Variants in TEX11 observed in about 807,000 individuals in gnomAD.
TEX11 encodes testis-expressed protein 11.
In TEX11, 7 loss-of-function variants were observed where a neutral mutation model predicts 84.4. That is an observed-to-expected ratio of 0.08 (90% CI 0.05 to 0.16). The LOEUF (loss-of-function observed/expected upper bound fraction) is 0.16, where lower values mean the gene tolerates loss of function less well. Among genes scored for constraint, TEX11 ranks in the 10% least tolerant of loss-of-function variants. The pLI, the probability that TEX11 is intolerant of heterozygous loss-of-function variation, is 1.00. For missense variants in TEX11, 551 were observed against 660.5 expected (o/e 0.83, Z 1.82); for synonymous variants, 264 against 222.8 (o/e 1.18, Z -1.64).
chrX:70,671,910 T>TATATATATACACAC (rs57166359), intron 15 of TEX11, among the ~76,000 whole-genome samples: 14 of 67,979 alleles, frequency 2.1e-4, no homozygotes, highest in Non-Finnish European at 1.7e-4. Flanking sequence ...TATATATATA[T>TATATATATACACAC]ACACACACAC....
At position 70,637,220 on chromosome X, in the gene TEX11, A is replaced by G. The variant is rs751796941; in HGVS notation, c.1484-7485T>C. Among the ~76,000 whole-genome samples, 12 of 112,223 alleles carry G rather than the reference A, an allele frequency of 1.1e-4. No individual in the cohort carries two copies. In the East Asian group the frequency reaches 3.4e-3, roughly 32 times the overall value. On this transcript the variant is annotated intron_variant, in intron 17 of 29. Transcript: ENST00000374333. ...TGAGATACCATCTCATGCCAGTCAG[A>G]ATGACTATTATTAAAAAGTCAAAAA...
At chrX:70,554,546 A>C (rs2088261548) in intron 26 of TEX11, 105 bp downstream of exon 26, 1 of 811,624 alleles carries the variant, frequency 1.2e-6, no homozygotes, top group African/African-American at 2.1e-5. Flanking sequence ...CTATGAGAAA[A>C]AATTATTTCC....
intron 20 of TEX11, among the ~76,000 whole-genome samples, chrX:70,621,930 A>G (rs1268635058): frequency 9.0e-6 from 1 of 110,988 alleles, no homozygotes; most frequent in East Asian, 2.8e-4. Flanking sequence ...AAAAATATAC[A>G]GTACAAATAA....
intron 25 of TEX11, among the ~76,000 whole-genome samples, chrX:70,569,322 A>G (rs2088550062): frequency 9.0e-6 from 1 of 111,232 alleles, no homozygotes; most frequent in South Asian, 3.8e-4. Flanking sequence ...TTTTTTTCAA[A>G]GTTTTCAACT....
At chrX:70,597,947 C>T (rs1390701235) in intron 24 of TEX11, among the ~76,000 whole-genome samples, 2 of 111,285 alleles carry the variant, frequency 1.8e-5, no homozygotes, top group African/African-American at 6.5e-5. Flanking sequence ...TTTGGAAGGC[C>T]GAGGTGGGGG....
At chrX:70,844,263 A>G (rs2091465018) in intron 7 of TEX11, among the ~76,000 whole-genome samples, 1 of 110,092 alleles carries the variant, frequency 9.1e-6, no homozygotes, top group Non-Finnish European at 1.9e-5. Context: ...CATATACACC[A>G]TGGAATACTA....
chrX:70,688,085 A>T (rs1386950307), intron 13 of TEX11, among the ~76,000 whole-genome samples: 6 of 111,401 alleles, frequency 5.4e-5, no homozygotes, highest in Non-Finnish European at 7.5e-5. Context: ...TATTCAAAGA[A>T]ATAATGTCTC....
chrX:70,743,211 T>C (rs76387440), intron 10 of TEX11, among the ~76,000 whole-genome samples: 8,838 of 111,946 alleles, frequency 0.079, 429 homozygotes, highest in Admixed American at 0.25. Flanking sequence ...TTGTAGCATG[T>C]GTCAGATTTC....
At chrX:70,854,056 A>G (rs2091522312) in intron 5 of TEX11, among the ~76,000 whole-genome samples, 1 of 112,374 alleles carries the variant, frequency 8.9e-6, no homozygotes, top group Non-Finnish European at 1.9e-5. Flanking sequence ...CAATATTCAT[A>G]GAAGATCATC....
At chrX:70,778,523 T>G (rs145115336) in intron 9 of TEX11, among the ~76,000 whole-genome samples, 1 of 111,408 alleles carries the variant, frequency 9.0e-6, no homozygotes, top group African/African-American at 3.3e-5. Flanking sequence ...GACACTATCA[T>G]AGCTCACTGT....
chrX:70,647,302 A>G lies in TEX11; in HGVS notation c.1483+4148T>C, dbSNP rs1184657980. On this transcript the variant is annotated intron_variant, in intron 17 of 29. Transcript: ENST00000374333. ...GAATACAGAATTTCCGTTGAGCAGA[A>G]GGAACAAGTTCAAGAGATCTATTGT... is the stretch of plus-strand genomic sequence containing the variant. 9.8e-5 allele frequency among the ~76,000 whole-genome samples: 11 copies of G among 111,930 alleles called. No individual in the cohort carries two copies. The East Asian group carries it at 3.1e-3, about 31-fold the overall frequency.
chrX:70,548,564 C>T (rs1429085119), intron 28 of TEX11, among the ~76,000 whole-genome samples: 1 of 111,437 alleles, frequency 9.0e-6, no homozygotes, highest in Admixed American at 9.5e-5. Context: ...TATGCCCCAA[C>T]AGTGGCTGCA....
chrX:70,885,451 C>T (rs1569460891), intron 2 of TEX11, among the ~76,000 whole-genome samples: 1 of 111,192 alleles, frequency 9.0e-6, no homozygotes, highest in East Asian at 2.8e-4. Flanking sequence ...TTTTAAAGTA[C>T]CAAAAATTTC....
At chrX:70,858,005 C>T (rs2091546061) in intron 5 of TEX11, among the ~76,000 whole-genome samples, 1 of 110,195 alleles carries the variant, frequency 9.1e-6, no homozygotes, top group Non-Finnish European at 1.9e-5. Flanking sequence ...AGCTAAGCTA[C>T]GAGGATGCAA....
At chrX:70,608,427 T>A (rs757671905) in intron 22 of TEX11, among the ~76,000 whole-genome samples, 1 of 112,337 alleles carries the variant, frequency 8.9e-6, no homozygotes, top group African/African-American at 3.2e-5. Context: ...TCATTTTTGG[T>A]CAATCACACT....
At chrX:70,809,429 T>C (rs1297307470) in intron 8 of TEX11, among the ~76,000 whole-genome samples, 2 of 111,330 alleles carry the variant, frequency 1.8e-5, no homozygotes, top group East Asian at 2.8e-4. Context: ...GTAAACTATA[T>C]AGAGATGATG....
intron 9 of TEX11, among the ~76,000 whole-genome samples, chrX:70,784,651 T>C (rs1034861385): frequency 5.4e-5 from 6 of 111,681 alleles, no homozygotes; most frequent in African/African-American, 2.0e-4. Flanking sequence ...ACAAAATCAA[T>C]GTACAAAAAT....
intron 28 of TEX11, among the ~76,000 whole-genome samples, chrX:70,535,549 C>T (rs2087945565): frequency 9.0e-6 from 1 of 110,995 alleles, no homozygotes; most frequent in African/African-American, 3.3e-5. Context: ...AAGGTTGAGA[C>T]CAGCCTAGGA....
chrX:70,596,054 A>G (rs773478023), intron 24 of TEX11, among the ~76,000 whole-genome samples: 11 of 111,747 alleles, frequency 9.8e-5, no homozygotes, highest in African/African-American at 3.6e-4. Flanking sequence ...GGAAAATTTT[A>G]TAATGTTAAA....
Sources: allele counts gnomAD v4.1 joint callset (sites outside exome capture counted in the v4.1 genomes callset), GRCh38; gene constraint gnomAD v4.1.1; transcripts MANE v1.5; gene names NCBI Gene and HGNC (gene_info 2026-07-23, HGNC 2026-07-21).